RCN2: variants seen among roughly 807,000 people sequenced by gnomAD.
RCN2 encodes the protein reticulocalbin 2.
In RCN2, 23 loss-of-function variants were observed where a neutral mutation model predicts 37.5. That is an observed-to-expected ratio of 0.61 (90% CI 0.44 to 0.87). The LOEUF (loss-of-function observed/expected upper bound fraction) is 0.87, where lower values mean the gene tolerates loss of function less well. RCN2 is among the 40% of genes least tolerant of loss of function. The pLI is 0.00. For synonymous variants in RCN2, 140 were observed against 144.6 expected (o/e 0.97, Z 0.23); for missense variants, 381 against 390.4 (o/e 0.98, Z 0.20).
rs750696653 is a variant in RCN2 at position 76,932,393 on chromosome 15, C to G, written c.177C>G (p.His59Gln). The G allele has an allele frequency of 3.7e-6, 6 of 1,613,806 alleles. No individual in the cohort carries two copies. The highest frequency in any genetic ancestry group is 4.2e-6 in the Non-Finnish European group (5 of 1,179,830). The change falls in exon 2 of 7, where the codon CAC becomes CAG. Residue 59 changes from histidine to glutamine, a missense_variant. His to Gln is a conservative substitution (Grantham distance 24, BLOSUM62 0). Coordinates refer to ENST00000394885, the MANE Select transcript of RCN2 (RefSeq NM_002902.3). ...EDVDEYVKLG[H>Q]EEQQKRLQAI... Reference sequence around the variant, plus strand: ...TGGATGAATATGTTAAACTCGGCCACGAAGAGCAGCAAAAAAGACTGCAGG... The same window carrying G: ...TGGATGAATATGTTAAACTCGGCCAGGAAGAGCAGCAAAAAAGACTGCAGG...
At chr15:76,938,119 A>G (rs2075260760) in intron 3 of RCN2, among the ~76,000 whole-genome samples, 1 of 152,200 alleles carries the variant, frequency 6.6e-6, no homozygotes, top group Non-Finnish European at 1.5e-5. Flanking sequence ...CATAAAAATA[A>G]AATCAAACAT....
rs1378295434 is a variant in RCN2, at chr15:76,931,952, C to A, written c.111C>A (p.Ser37Arg). ...ELHYPLGERR[S>R]DYDREALLGV... Reference sequence around the variant, plus strand: ...ACTACCCGCTGGGCGAGCGCCGCAGCGACTACGACCGCGAGGCGCTGCTGG... The same window carrying A: ...ACTACCCGCTGGGCGAGCGCCGCAGAGACTACGACCGCGAGGCGCTGCTGG... Residue 37 changes from serine (S) to arginine (R), a missense_variant, in exon 1 of 7, where the codon AGC becomes AGA. Coordinates refer to ENST00000394885, the MANE Select transcript of RCN2 (RefSeq NM_002902.3). 7.8e-7 allele frequency: 1 copy of A among 1,278,366 alleles called. No homozygotes were observed. The highest frequency in any genetic ancestry group is 4.2e-5 in the Admixed American group (1 of 24,008). 79.2% of individuals were successfully genotyped at this position (1,278,366 alleles called of 1,614,324 possible).
rs1209348992 is a variant in RCN2 at position 76,949,876 on chromosome 15, G to C, written c.*654G>C. The stretch of plus-strand genomic sequence containing the variant: ...CATTGTCCAAACCTTTTTCATTTTT[G>C]AGTGATTAAAAATGAAATGTCCTTT... On this transcript the variant is annotated 3_prime_UTR_variant, in exon 7 of 7. Transcript: ENST00000394885. The C allele has an allele frequency of 6.6e-6, 1 of 152,282 alleles. No homozygotes were observed. The highest frequency in any genetic ancestry group is 1.5e-5 in the Non-Finnish European group (1 of 67,984). The allele number at this position is 152,282 out of a possible 1,614,324, so 9.4% of individuals were successfully genotyped here.
chr15:76,932,014 G>A (rs1178786555), intron 1 of RCN2, 29 bp downstream of exon 1: 15 of 1,243,290 alleles, frequency 1.2e-5, no homozygotes, highest in Non-Finnish European at 1.5e-5. Flanking sequence ...TGCTGGGAGG[G>A]CCGGGCCTCG....
intron 1 of RCN2, 102 bp downstream of exon 1, chr15:76,932,087 G>C: frequency 8.6e-7 from 1 of 1,160,378 alleles, no homozygotes; most frequent in Non-Finnish European, 1.1e-6. Context: ...GGCCTGGCAG[G>C]GGCGGCCTGA....
Position 76,932,474 on chromosome 15 carries a change from C to T in RCN2, c.250+8C>T. 1 of 1,540,732 alleles carries T rather than the reference C, an allele frequency of 6.5e-7. No individual in the cohort carries two copies. The highest frequency in any genetic ancestry group is 9.0e-7 in the Non-Finnish European group (1 of 1,115,804). On this transcript the variant is annotated splice_region_variant and intron_variant, in intron 2 of 6. Transcript: ENST00000394885. ...ATGGCTTTCTCACTGAAAGTAAGGA[C>T]TGCCCTACACGACTAACAATGGAGA...
chr15:76,932,542 G>C (rs181315524), intron 2 of RCN2, 76 bp downstream of exon 2: 1 of 980,128 alleles, frequency 1.0e-6, no homozygotes, highest in African/African-American at 1.6e-5. Context: ...TGAATGTATA[G>C]ATTGCTAGTG....
Position 76,935,628 on chromosome 15 carries a change from CTT to C in RCN2, c.354_355del (p.Trp119GlyfsTer2), listed in dbSNP as rs2075243919. 1 of 1,612,958 alleles carries C rather than the reference CTT, an allele frequency of 6.2e-7. No homozygotes were observed. The highest frequency in any genetic ancestry group is 8.5e-7 in the Non-Finnish European group (1 of 1,179,060). On this transcript the variant is annotated frameshift_variant, in exon 3 of 7. Coordinates refer to ENST00000394885, the MANE Select transcript of RCN2 (RefSeq NM_002902.3). LOFTEE classifies it high-confidence loss of function. Reference sequence around the variant, plus strand: ...GATAAAAACAGTGATGATACTGTGACTTGGGATGAATATAACATTCAGATGTA... The same window carrying C: ...GATAAAAACAGTGATGATACTGTGACGGGATGAATATAACATTCAGATGTA...
chr15:76,939,618 G>A (rs973228354), intron 3 of RCN2, among the ~76,000 whole-genome samples: 6 of 152,140 alleles, frequency 3.9e-5, no homozygotes, highest in Non-Finnish European at 1.5e-5. Context: ...GGGATCATCT[G>A]TCTATTAAGT....
At chr15:76,944,359 C>T (rs1421570335) in intron 4 of RCN2, among the ~76,000 whole-genome samples, 5 of 152,028 alleles carry the variant, frequency 3.3e-5, no homozygotes, top group Admixed American at 3.3e-4. Flanking sequence ...GAACTTTTAT[C>T]CTTTGTGTTA....
At chr15:76,942,522 TG>T in intron 3 of RCN2, 1 of 152,114 alleles carries the variant, frequency 6.6e-6, no homozygotes, top group Non-Finnish European at 1.5e-5. Context: ...GGGGGGTGGA[TG>T]GGAAGATGGG....
intron 3 of RCN2, among the ~76,000 whole-genome samples, chr15:76,937,218 G>A (rs775752288): frequency 5.1e-4 from 78 of 152,140 alleles, no homozygotes; most frequent in Non-Finnish European, 8.2e-4. Context: ...GCACTGACAC[G>A]ACACTCAAAA....
intron 4 of RCN2, among the ~76,000 whole-genome samples, chr15:76,944,117 C>CT (rs1223882387): frequency 2.0e-5 from 3 of 149,684 alleles, no homozygotes; most frequent in South Asian, 4.2e-4. Flanking sequence ...CTCAGCCTCT[C>CT]TGAGTAGCTG....
Position 76,951,329 on chromosome 15 carries a change from C to T in RCN2, c.*2107C>T, listed in dbSNP as rs1368568656. The T allele has an allele frequency of 3.9e-5, 6 of 152,370 alleles. No homozygotes were observed. The East Asian group carries it at 1.2e-3, about 29-fold the overall frequency. 9.4% of individuals were successfully genotyped at this position (152,370 alleles called of 1,614,324 possible). ...GACTATCTCATGACAAACCCTTTTC[C>T]TCTGCCACAGCACTGTGCAGGAGGC... is the stretch of plus-strand genomic sequence containing the variant. On this transcript the variant is annotated 3_prime_UTR_variant, in exon 7 of 7. Coordinates refer to ENST00000394885, the MANE Select transcript of RCN2 (RefSeq NM_002902.3).
At chr15:76,942,403 T>G (rs985325373) in intron 3 of RCN2, 2 of 152,188 alleles carry the variant, frequency 1.3e-5, no homozygotes, top group Admixed American at 1.3e-4. Flanking sequence ...TTATGCAGGA[T>G]TAGCAGTATA....
At position 76,931,785 on chromosome 15, in the gene RCN2, CGG is replaced by C; in HGVS notation, c.-55_-54del. On this transcript the variant is annotated 5_prime_UTR_variant, in exon 1 of 7. Transcript: ENST00000394885. ...CGCCCGCGGAGCATCGCAGCCGGCC[CGG>C]GCCCCCGCCAGCCTCCCTCCTCGCG... 1 of 1,183,466 alleles carries C rather than the reference CGG, an allele frequency of 8.4e-7. No individual in the cohort carries two copies. Among genetic ancestry groups the C allele is most frequent in the Non-Finnish European group, 1.0e-6 (1 of 954,592 alleles). The allele number at this position is 1,183,466 out of a possible 1,614,324, so 73.3% of individuals were successfully genotyped here. A position where few individuals can be genotyped will look rare whatever the true frequency, so the allele number is the denominator to read the frequency against.
At position 76,947,753 on chromosome 15, in the gene RCN2, A is replaced by G. The variant is rs2075302584; in HGVS notation, c.658+236A>G. On this transcript the variant is annotated intron_variant, in intron 5 of 6. Coordinates refer to ENST00000394885, the MANE Select transcript of RCN2 (RefSeq NM_002902.3). Reference sequence around the variant, plus strand: ...GAGTCAAACATTTTTCTTTCTTTTCAAACAAATCTAATTTTATTATCAGTT... The same window carrying G: ...GAGTCAAACATTTTTCTTTCTTTTCGAACAAATCTAATTTTATTATCAGTT... The G allele has an allele frequency of 1.4e-5, 6 of 421,946 alleles. No individual in the cohort carries two copies. The South Asian group carries it at 2.1e-4, about 15-fold the overall frequency. 26.1% of individuals were successfully genotyped at this position (421,946 alleles called of 1,614,324 possible). A position where few individuals can be genotyped will look rare whatever the true frequency, so the allele number is the denominator to read the frequency against.
chr15:76,948,457 G>A lies in RCN2; in HGVS notation c.706G>A (p.Val236Met), dbSNP rs1298848054. Residue 236 changes from valine to methionine, a missense_variant, in exon 6 of 7, where the codon GTG (valine) becomes ATG (methionine). Coordinates refer to ENST00000394885, the MANE Select transcript of RCN2 (RefSeq NM_002902.3). The part of the protein sequence containing the change: ...EWILVEKDRF[V>M]NDYDKDNDGR... ...GATACTTGTTGAGAAAGACAGATTC[G>A]TGAATGATTATGACAAAGATAACGA... 7.5e-6 allele frequency: 12 copies of A among 1,609,336 alleles called. No homozygotes were observed. The highest frequency in any genetic ancestry group is 4.5e-5 in the East Asian group (2 of 44,786).
intron 4 of RCN2, among the ~76,000 whole-genome samples, chr15:76,944,196 T>C (rs2152651239): frequency 6.6e-6 from 1 of 152,096 alleles, no homozygotes; most frequent in East Asian, 1.9e-4. Context: ...GGTTTCACCG[T>C]GGTCTCAATC....
Sources: allele counts gnomAD v4.1 joint callset (sites outside exome capture counted in the v4.1 genomes callset), GRCh38; gene constraint gnomAD v4.1.1; transcripts MANE v1.5; gene names NCBI Gene and HGNC (gene_info 2026-07-23, HGNC 2026-07-21).